Variants in RECK observed in about 807,000 individuals in gnomAD.
The protein encoded by RECK is reversion-inducing cysteine-rich protein with Kazal motifs.
RECK carries 69 observed loss-of-function variants against 115.1 expected under a neutral mutation model. That is an observed-to-expected ratio of 0.60 (90% CI 0.49 to 0.73). RECK has a LOEUF of 0.73. Among genes scored for constraint, RECK ranks in the 30% least tolerant of loss-of-function variants. The pLI is 0.00. For synonymous variants in RECK, 414 were observed against 419.7 expected (o/e 0.99, Z 0.17); for missense variants, 1,047 against 1,203.7 (o/e 0.87, Z 1.93).
chr9:36,084,414 G>T (rs778081538), intron 8 of RECK, among the ~76,000 whole-genome samples: 1 of 151,968 alleles, frequency 6.6e-6, no homozygotes, highest in Non-Finnish European at 1.5e-5. Flanking sequence ...AAACAAAAAG[G>T]CCAGGCACGG....
At chr9:36,044,220 AT>A (rs5897625) in intron 1 of RECK, among the ~76,000 whole-genome samples, 18,774 of 141,280 alleles carry the variant, frequency 0.13, 2,083 homozygotes, top group African/African-American at 0.3. Context: ...ATTTTATTTT[AT>A]TTTTTTTTTT....
intron 2 of RECK, among the ~76,000 whole-genome samples, chr9:36,054,992 A>G (rs1821464316): frequency 2.6e-5 from 4 of 152,294 alleles, no homozygotes; most frequent in Admixed American, 2.6e-4. Context: ...AAGACAAAGG[A>G]AAAATGAGTT....
chr9:36,099,599 C>T (rs1428995537), intron 10 of RECK, among the ~76,000 whole-genome samples: 1 of 152,066 alleles, frequency 6.6e-6, no homozygotes, highest in Admixed American at 6.5e-5. Flanking sequence ...TCCTGCCACA[C>T]CTCCTGAGTA....
At chr9:36,110,205 G>A (rs1190037925) in intron 15 of RECK, 126 bp downstream of exon 15, 1 of 1,021,642 alleles carries the variant, frequency 9.8e-7, no homozygotes, top group Non-Finnish European at 1.4e-6. Context: ...AGAATCTAAG[G>A]GCAAGATGCT....
At chr9:36,055,812 T>G (rs1821500039) in intron 2 of RECK, among the ~76,000 whole-genome samples, 1 of 152,140 alleles carries the variant, frequency 6.6e-6, no homozygotes. Context: ...TTGCCTTTTT[T>G]GTTTGTTTTT....
chr9:36,098,557 T>C (rs1314064990), intron 10 of RECK, among the ~76,000 whole-genome samples: 2 of 152,208 alleles, frequency 1.3e-5, no homozygotes, highest in Admixed American at 6.5e-5. Flanking sequence ...TGGAGCTTTT[T>C]TTCAGTTTCT....
rs1293030038 is a variant in RECK at position 36,071,638 on chromosome 9, CA to C, written c.405+6016del. Among the ~76,000 whole-genome samples the C allele has an allele frequency of 1.1e-4, 17 of 152,212 alleles. No homozygotes were observed. The East Asian group carries it at 2.5e-3, about 22-fold the overall frequency. On this transcript the variant is annotated intron_variant, in intron 6 of 20. Coordinates refer to ENST00000377966, the MANE Select transcript of RECK (RefSeq NM_021111.3). ...CTCTCCTTTCTTTGCTAGCTTTCTT[CA>C]ATACACTTTTTTGATGTTATATCAT...
At chr9:36,066,520 CTTAT>C (rs2132593801) in intron 6 of RECK, among the ~76,000 whole-genome samples, 1 of 152,036 alleles carries the variant, frequency 6.6e-6, no homozygotes, top group Non-Finnish European at 1.5e-5. Flanking sequence ...ACTTGACAGT[CTTAT>C]TTATCTTTTG....
rs767240083 is a variant in RECK at position 36,087,698 on chromosome 9, A to G, written c.642A>G (p.Leu214=). The G allele has an allele frequency of 2.8e-5, 45 of 1,613,594 alleles. No homozygotes were observed. The highest frequency in any genetic ancestry group is 3.8e-5 in the Non-Finnish European group (45 of 1,179,586). Residue 214 remains leucine, a synonymous_variant, in exon 9 of 21, where the codon TTA becomes TTG. Coordinates refer to ENST00000377966, the MANE Select transcript of RECK (RefSeq NM_021111.3). ...SYPMRNPTDS[L]YCCDRAEDHA... ...ACTTATATTCTGAAAATGTAGGTTTATATTGCTGTGACAGAGCTGAAGACC... is the reference window on the plus strand; with the variant it reads ...ACTTATATTCTGAAAATGTAGGTTTGTATTGCTGTGACAGAGCTGAAGACC...
intron 8 of RECK, among the ~76,000 whole-genome samples, chr9:36,084,587 C>T (rs749856029): frequency 1.5e-4 from 23 of 150,680 alleles, no homozygotes; most frequent in Non-Finnish European, 2.1e-4. Flanking sequence ...CCCAGCTACT[C>T]GGGAGGCTGA....
intron 14 of RECK, 93 bp from the exon 15 acceptor site, chr9:36,109,864 C>T (rs1823967912): frequency 2.4e-6 from 3 of 1,245,230 alleles, no homozygotes. Flanking sequence ...AAGGAATTTC[C>T]ATTTTAAAAC....
chr9:36,061,393 TACAC>T (rs58265948), intron 4 of RECK, among the ~76,000 whole-genome samples: 7,585 of 129,002 alleles, frequency 0.059, 382 homozygotes, highest in African/African-American at 0.14. Flanking sequence ...TGTAATTTTC[TACAC>T]ACACACACAC....
rs1823259121 is a variant in RECK, at chr9:36,094,269, G to A, written c.1085+2926G>A. On this transcript the variant is annotated intron_variant, in intron 10 of 20. Transcript: ENST00000377966. The surrounding 1 kb of genome is among the most constrained non-coding windows in gnomAD (Gnocchi z 4.1). ...AAAGCAAAAATAATAACAATGTATT[G>A]TGGAATTTATACATAGAAGTAAAAT... 6.6e-6 allele frequency among the ~76,000 whole-genome samples: 1 copy of A among 150,958 alleles called. No individual in the cohort carries two copies. The highest frequency in any genetic ancestry group is 6.6e-5 in the Admixed American group (1 of 15,158).
chr9:36,045,744 A>T (rs1243778302), intron 1 of RECK, among the ~76,000 whole-genome samples: 1 of 151,794 alleles, frequency 6.6e-6, no homozygotes, highest in Non-Finnish European at 1.5e-5. Context: ...TAGGGTGTGT[A>T]TTTGTTTTTT....
chr9:36,109,479 C>T (rs187755083), intron 14 of RECK, among the ~76,000 whole-genome samples: 93 of 152,264 alleles, frequency 6.1e-4, no homozygotes, highest in African/African-American at 2.0e-3. Flanking sequence ...TGGAGGAATA[C>T]GATAGGAGGC....
At chr9:36,043,043 T>C (rs1294741958) in intron 1 of RECK, among the ~76,000 whole-genome samples, 1 of 118,508 alleles carries the variant, frequency 8.4e-6, no homozygotes, top group African/African-American at 2.9e-5. Context: ...TTTTTTTTGT[T>C]GAGACGGAGT....
intron 16 of RECK, among the ~76,000 whole-genome samples, chr9:36,116,539 C>T (rs147244575): frequency 1.3e-5 from 2 of 152,368 alleles, no homozygotes; most frequent in South Asian, 2.1e-4. Context: ...CAGCCTATCT[C>T]TTGGCCTCAT....
intron 13 of RECK, among the ~76,000 whole-genome samples, chr9:36,106,820 A>C (rs1328655990): frequency 6.6e-6 from 1 of 151,804 alleles, no homozygotes; most frequent in African/African-American, 2.4e-5. Flanking sequence ...AATTCAATTC[A>C]GGGGCCGGGC....
chr9:36,112,771 G>A (rs775328534), intron 16 of RECK, among the ~76,000 whole-genome samples: 1 of 152,190 alleles, frequency 6.6e-6, no homozygotes, highest in Non-Finnish European at 1.5e-5. Flanking sequence ...AAGGTTTGCA[G>A]TAGAGAAAAA....
Sources: gnomAD v4.1 joint callset for allele counts (sites outside exome capture counted in the v4.1 genomes callset) on GRCh38, gnomAD v4.1.1 for gene constraint, Gnocchi (gnomAD v3.1) non-coding constraint, MANE v1.5 for transcripts, NCBI Gene and HGNC (gene_info 2026-07-23, HGNC 2026-07-21) for gene names.